B3GALNT1: variants seen among roughly 807,000 people sequenced by gnomAD.
B3GALNT1 encodes beta-1,3-N-acetylgalactosaminyltransferase 1 (Globoside blood group).
In B3GALNT1, 17 loss-of-function variants were observed where a neutral mutation model predicts 27.3. That is an observed-to-expected ratio of 0.62 (90% confidence interval 0.43 to 0.94). The LOEUF (loss-of-function observed/expected upper bound fraction) is 0.94. Among genes scored for constraint, B3GALNT1 ranks in the 40% least tolerant of loss-of-function variants. The pLI is 0.00. For synonymous variants in B3GALNT1, 141 were observed against 144.0 expected (o/e 0.98, Z 0.15); for missense variants, 347 against 390.0 (o/e 0.89, Z 0.93).
At chr3:161,101,775 A>G (rs1731415466) in intron 3 of B3GALNT1, among the ~76,000 whole-genome samples, 1 of 152,248 alleles carries the variant, frequency 6.6e-6, no homozygotes, top group Non-Finnish European at 1.5e-5. Context: ...AGTATGGAGA[A>G]GGGAACTATT....
At chr3:161,099,666 G>A (rs2108431202) in intron 4 of B3GALNT1, among the ~76,000 whole-genome samples, 1 of 152,244 alleles carries the variant, frequency 6.6e-6, no homozygotes. Flanking sequence ...ACCAGCAGAG[G>A]GATGATGTTC....
At chr3:161,100,922 A>G (rs902801990) in intron 4 of B3GALNT1, among the ~76,000 whole-genome samples, 8 of 152,034 alleles carry the variant, frequency 5.3e-5, no homozygotes, top group Non-Finnish European at 8.8e-5. Flanking sequence ...ATTTCATGAC[A>G]CTGTAAAATC....
chr3:161,091,545 C>G (rs1725107288), intron 4 of B3GALNT1, among the ~76,000 whole-genome samples: 2 of 152,322 alleles, frequency 1.3e-5, no homozygotes, highest in East Asian at 3.9e-4. Context: ...ATATATGCTA[C>G]CCACCTGTTA....
intron 4 of B3GALNT1, among the ~76,000 whole-genome samples, chr3:161,098,341 C>T (rs1729324119): frequency 6.6e-6 from 1 of 152,180 alleles, no homozygotes; most frequent in African/African-American, 2.4e-5. Context: ...TTGTTTTATC[C>T]TATTGGCCTG....
At chr3:161,097,273 T>C (rs538779127) in intron 4 of B3GALNT1, among the ~76,000 whole-genome samples, 4 of 152,302 alleles carry the variant, frequency 2.6e-5, no homozygotes, top group Admixed American at 2.0e-4. Flanking sequence ...GCTAAACATC[T>C]AGGATGGGGC....
In B3GALNT1 at chr3:161,086,025, T is replaced by C. The variant is rs767170107; in HGVS notation, c.730A>G (p.Ile244Val). The change falls in exon 5 of 5, where the codon ATA becomes GTA. Residue 244 changes from isoleucine to valine, a missense_variant. Ile to Val is a conservative substitution (Grantham distance 29). Transcript: ENST00000320474. ...FPPYCSGLGY[I>V]MSRDLVPRIY... Reference sequence around the variant, plus strand: ...CTTGGCACCAAATCTCTGGACATTATATAACCCAACCCACTGCAGTATGGA... The same window carrying C: ...CTTGGCACCAAATCTCTGGACATTACATAACCCAACCCACTGCAGTATGGA... 8 of 1,588,520 alleles carry C rather than the reference T, an allele frequency of 5.0e-6. No homozygotes were observed. The highest frequency in any genetic ancestry group is 6.8e-6 in the Non-Finnish European group (8 of 1,169,632).
intron 4 of B3GALNT1, among the ~76,000 whole-genome samples, chr3:161,093,641 T>A (rs1001887336): frequency 6.6e-6 from 1 of 152,214 alleles, no homozygotes; most frequent in Non-Finnish European, 1.5e-5. Flanking sequence ...TACTGACTTC[T>A]TAAATGCCAC....
chr3:161,091,222 T>A (rs944680352), intron 4 of B3GALNT1, among the ~76,000 whole-genome samples: 2 of 152,298 alleles, frequency 1.3e-5, no homozygotes, highest in Non-Finnish European at 1.5e-5. Flanking sequence ...TGAGCTGTGA[T>A]TGTGCCACTG....
chr3:161,085,428 G>T lies in B3GALNT1; in HGVS notation c.*331C>A. The T allele has an allele frequency of 1.4e-5, 4 of 283,786 alleles. No individual in the cohort carries two copies. In the South Asian group the frequency reaches 2.0e-4, roughly 14 times the overall value. 17.6% of individuals were successfully genotyped at this position (283,786 alleles called of 1,614,324 possible). On this transcript the variant is annotated 3_prime_UTR_variant, in exon 5 of 5. Coordinates refer to ENST00000320474, the MANE Select transcript of B3GALNT1 (RefSeq NM_003781.4). ...AATAAATAAAACTCTACATTGTTTTGTTTTTACAGCCTAGTGAGCTTATAA... is the reference window on the plus strand; with the variant it reads ...AATAAATAAAACTCTACATTGTTTTTTTTTTACAGCCTAGTGAGCTTATAA...
chr3:161,094,650 G>C (rs1363432813), intron 4 of B3GALNT1, among the ~76,000 whole-genome samples: 2 of 151,992 alleles, frequency 1.3e-5, no homozygotes, highest in South Asian at 4.2e-4. Context: ...GAAGAGCACA[G>C]AGACAATAAA....
At chr3:161,092,679 C>T (rs1725801267) in intron 4 of B3GALNT1, among the ~76,000 whole-genome samples, 1 of 151,236 alleles carries the variant, frequency 6.6e-6, no homozygotes, top group Admixed American at 6.6e-5. Context: ...ATATCAGAGC[C>T]AATCCACCCT....
At position 161,085,722 on chromosome 3, in the gene B3GALNT1, G is replaced by A. The variant is rs1721293148; in HGVS notation, c.*37C>T. ...TACTTTATTTAACACTTTCCACAAA[G>A]TATCCTGTCCTTCTAGGCTTTTTGT... On this transcript the variant is annotated 3_prime_UTR_variant, in exon 5 of 5. Coordinates refer to ENST00000320474, the MANE Select transcript of B3GALNT1 (RefSeq NM_003781.4). The A allele has an allele frequency of 3.7e-6, 6 of 1,606,990 alleles. No homozygotes were observed. Among genetic ancestry groups the A allele is most frequent in the East Asian group, 2.2e-5 (1 of 44,852 alleles).
chr3:161,096,718 G>C (rs1389726722), intron 4 of B3GALNT1, among the ~76,000 whole-genome samples: 1 of 152,154 alleles, frequency 6.6e-6, no homozygotes, highest in African/African-American at 2.4e-5. Flanking sequence ...GCTGCTTTGT[G>C]TTTGAGGCCC....
intron 4 of B3GALNT1, among the ~76,000 whole-genome samples, chr3:161,094,235 T>C (rs1399012018): frequency 2.0e-5 from 3 of 152,338 alleles, no homozygotes; most frequent in East Asian, 1.9e-4. Context: ...CTTGCAACCA[T>C]TGAACTTTGA....
intron 1 of B3GALNT1, 179 bp downstream of exon 1, chr3:161,105,056 C>T (rs1050503680): frequency 1.3e-5 from 2 of 152,210 alleles, no homozygotes; most frequent in African/African-American, 4.8e-5. Flanking sequence ...TGCGGCGGCT[C>T]AACCTGGGCC....
intron 4 of B3GALNT1, among the ~76,000 whole-genome samples, chr3:161,087,186 TA>T (rs1287017280): frequency 3.3e-5 from 5 of 152,172 alleles, no homozygotes; most frequent in South Asian, 4.1e-4. Flanking sequence ...TTTATAACTA[TA>T]AAAAAAGAAG....
At position 161,097,695 on chromosome 3, in the gene B3GALNT1, C is replaced by T. The variant is rs141787765; in HGVS notation, c.-35+3444G>A. Reference sequence around the variant, plus strand: ...GCCCCATGGTCTTTCTACAACTGAACATCATTTTTTCTGGGAACCACTCAC... The same window carrying T: ...GCCCCATGGTCTTTCTACAACTGAATATCATTTTTTCTGGGAACCACTCAC... On this transcript the variant is annotated intron_variant, in intron 4 of 4. Transcript: ENST00000320474. Among the ~76,000 whole-genome samples, 225 of 152,316 alleles carry T rather than the reference C, an allele frequency of 1.5e-3. 1 individual carries two copies. Among genetic ancestry groups the T allele is most frequent in the African/African-American group, 5.0e-3 (206 of 41,576 alleles).
intron 4 of B3GALNT1, among the ~76,000 whole-genome samples, chr3:161,099,904 T>C (rs576612865): frequency 1.3e-5 from 2 of 152,216 alleles, no homozygotes; most frequent in East Asian, 1.9e-4. Context: ...CATAGCCCCA[T>C]ATGAGTTCCA....
chr3:161,085,792 C>G lies in B3GALNT1; in HGVS notation c.963G>C (p.Gln321His). The change falls in exon 5 of 5, where the codon CAG becomes CAC. Residue 321 changes from glutamine (Q) to histidine (H), a missense_variant. By Grantham distance (24) the Gln-to-His change is conservative. Transcript: ENST00000320474. ...GGCATGTGGTGTTCCTTAGCATGAC[C>G]TGCCAAAAAGTGATGATCTCCTTGG... Reference protein sequence around the residue: ...FSSKEIITFWQVMLRNTTCHY With the variant: ...FSSKEIITFWHVMLRNTTCHY The G allele has an allele frequency of 6.2e-7, 1 of 1,614,112 alleles. No individual in the cohort carries two copies. Among genetic ancestry groups the G allele is most frequent in the Non-Finnish European group, 8.5e-7 (1 of 1,180,018 alleles).
Sources: allele counts gnomAD v4.1 joint callset (sites outside exome capture counted in the v4.1 genomes callset), GRCh38; gene constraint gnomAD v4.1.1; transcripts MANE v1.5; gene names NCBI Gene and HGNC (gene_info 2026-07-23, HGNC 2026-07-21).